The following SPMIP6 variants were observed in gnomAD, a reference collection of about 807,000 sequenced individuals.
The protein encoded by SPMIP6 is ciliated bronchial epithelial protein 1.
the SPMIP6 span, chr9:34,379,495 C>T: frequency 7.9e-6 from 6 of 759,628 alleles, no homozygotes; most frequent in African/African-American, 1.0e-4. The surrounding 1 kb of genome is among the most constrained non-coding windows in gnomAD (Gnocchi z 4.2). Flanking sequence ...CCACCTTTGA[C>T]TGCTCCATGC....
the SPMIP6 span, among the ~76,000 whole-genome samples, chr9:34,383,844 A>C: frequency 1.3e-5 from 2 of 152,204 alleles, no homozygotes; most frequent in African/African-American, 4.8e-5. Context: ...TTGGCACATA[A>C]AAAACTATTA....
At chr9:34,385,951 G>T in the SPMIP6 span, among the ~76,000 whole-genome samples, 7 of 152,010 alleles carry the variant, frequency 4.6e-5, no homozygotes, top group Non-Finnish European at 1.0e-4. Flanking sequence ...TCTGCACAGT[G>T]CTCTTGTCTG....
chr9:34,382,720 G>A, the SPMIP6 span: 1 of 1,433,632 alleles, frequency 7.0e-7, no homozygotes, highest in African/African-American at 1.4e-5. Flanking sequence ...GCGTGTCCCA[G>A]TCCCCAGACG....
At chr9:34,393,594 T>G in the SPMIP6 span, among the ~76,000 whole-genome samples, 1 of 152,160 alleles carries the variant, frequency 6.6e-6, no homozygotes, top group African/African-American at 2.4e-5. Context: ...CTTCTATTTT[T>G]TTTCTCTATT....
chr9:34,397,555 C>A, the SPMIP6 span: 22 of 1,613,776 alleles, frequency 1.4e-5, no homozygotes, highest in Non-Finnish European at 2.5e-6. Context: ...TTATAGACCT[C>A]CTTGATGGAG....
At chr9:34,397,008 T>A in the SPMIP6 span, among the ~76,000 whole-genome samples, 1 of 152,154 alleles carries the variant, frequency 6.6e-6, no homozygotes, top group Non-Finnish European at 1.5e-5. Context: ...GTGATACATA[T>A]AGATAAAGGC....
the SPMIP6 span, chr9:34,381,196 A>G: frequency 6.4e-7 from 1 of 1,554,330 alleles, no homozygotes; most frequent in Non-Finnish European, 8.7e-7. This position sits in a 1 kb window ranked among gnomAD's most constrained non-coding sequence, Gnocchi z 4.4. Flanking sequence ...GAAGAGGCCG[A>G]GTCACGGACA....
the SPMIP6 span, among the ~76,000 whole-genome samples, chr9:34,385,388 C>T: frequency 1.3e-5 from 2 of 151,576 alleles, no homozygotes; most frequent in African/African-American, 2.4e-5. Context: ...AAAAATTAGC[C>T]GGGCCTGGTG....
chr9:34,379,902 A>AC, the SPMIP6 span: 5 of 566,536 alleles, frequency 8.8e-6, no homozygotes, highest in Non-Finnish European at 1.6e-5. The surrounding 1 kb of genome is among the most constrained non-coding windows in gnomAD (Gnocchi z 4.2). Flanking sequence ...CGATTCGGGA[A>AC]CCCCCCTTGG....
At chr9:34,387,639 C>G in the SPMIP6 span, among the ~76,000 whole-genome samples, 47 of 152,240 alleles carry the variant, frequency 3.1e-4, no homozygotes, top group Non-Finnish European at 5.6e-4. Flanking sequence ...ACAAACAAAA[C>G]AGTCATTTAG....
chr9:34,381,578 G>C, the SPMIP6 span: 9 of 1,494,924 alleles, frequency 6.0e-6, no homozygotes, highest in Non-Finnish European at 8.0e-6. This position sits in a 1 kb window ranked among gnomAD's most constrained non-coding sequence, Gnocchi z 4.4. Context: ...CACCTCTCCA[G>C]GGCTCTGTGT....
the SPMIP6 span, chr9:34,379,192 A>G: frequency 6.4e-7 from 1 of 1,563,316 alleles, no homozygotes; most frequent in East Asian, 2.2e-5. The surrounding 1 kb of genome is among the most constrained non-coding windows in gnomAD (Gnocchi z 4.2). Context: ...CTACAGGAAG[A>G]GATGGGTCAG....
the SPMIP6 span, chr9:34,380,916 G>A: frequency 1.9e-6 from 3 of 1,589,350 alleles, no homozygotes; most frequent in South Asian, 2.2e-5. Context: ...GGTTGCTCCC[G>A]GCACCAAGGC....
the SPMIP6 span, among the ~76,000 whole-genome samples, chr9:34,394,220 A>C: frequency 6.6e-6 from 1 of 152,132 alleles, no homozygotes; most frequent in African/African-American, 2.4e-5. Context: ...CGGTGGCATG[A>C]TCTTGGCTCA....
At chr9:34,388,853 A>G in the SPMIP6 span, among the ~76,000 whole-genome samples, 13 of 152,080 alleles carry the variant, frequency 8.5e-5, no homozygotes, top group East Asian at 2.5e-3. Flanking sequence ...TGGCACCTAT[A>G]CATGTTGCAA....
the SPMIP6 span, chr9:34,381,394 A>C: frequency 1.9e-6 from 3 of 1,614,120 alleles, no homozygotes; most frequent in South Asian, 3.3e-5. The surrounding 1 kb of genome is among the most constrained non-coding windows in gnomAD (Gnocchi z 4.4). Context: ...GCTCCGGCCT[A>C]GGAGGGCATT....
the SPMIP6 span, among the ~76,000 whole-genome samples, chr9:34,396,529 G>C: frequency 6.6e-6 from 1 of 152,036 alleles, no homozygotes; most frequent in African/African-American, 2.4e-5. Context: ...CAAAAACCTG[G>C]AGCCTTATGT....
At chr9:34,388,937 T>TTC in the SPMIP6 span, among the ~76,000 whole-genome samples, 7 of 105,960 alleles carry the variant, frequency 6.6e-5, no homozygotes, top group Middle Eastern at 0.012. Context: ...TCTTTCTTTT[T>TTC]TTTTTTTTTT....
the SPMIP6 span, chr9:34,380,593 C>G: frequency 7.0e-7 from 1 of 1,436,096 alleles, no homozygotes; most frequent in Non-Finnish European, 9.2e-7. Flanking sequence ...GGGGTTTCTT[C>G]CTCAAAAACC....
Sources: gnomAD v4.1 joint callset for allele counts (sites outside exome capture counted in the v4.1 genomes callset) on GRCh38, gnomAD v4.1.1 for gene constraint, Gnocchi (gnomAD v3.1) non-coding constraint, MANE v1.5 for transcripts, NCBI Gene and HGNC (gene_info 2026-07-23, HGNC 2026-07-21) for gene names.